Variants in GABRA2 observed in about 807,000 individuals in gnomAD.
GABRA2 encodes gamma-aminobutyric acid receptor subunit alpha-2.
In GABRA2, 16 loss-of-function variants were observed where a neutral mutation model predicts 48.7. That is an observed-to-expected ratio of 0.33 (90% CI 0.22 to 0.50). The LOEUF (loss-of-function observed/expected upper bound fraction) is 0.50, where lower values mean the gene tolerates loss of function less well. Ranked by LOEUF, GABRA2 falls within the 20% of genes least tolerant of loss-of-function variation. GABRA2 has a pLI of 0.98. For synonymous variants in GABRA2, 185 were observed against 184.5 expected (o/e 1.00, Z -0.02); for missense variants, 275 against 535.6 (o/e 0.51, Z 4.80).
chr4:46,364,256 T>A (rs909731001), intron 3 of GABRA2: 9 of 152,236 alleles, frequency 5.9e-5, no homozygotes, highest in Non-Finnish European at 1.5e-5. Context: ...ATGCCTATCT[T>A]ACAGTACTTT....
chr4:46,252,044 G>C (rs947340778), intron 9 of GABRA2, among the ~76,000 whole-genome samples: 1 of 151,390 alleles, frequency 6.6e-6, no homozygotes, highest in African/African-American at 2.4e-5. Context: ...GGACAAATTG[G>C]TCTACAATCA....
chr4:46,388,812 A>G, intron 1 of GABRA2, 96 bp from the exon 2 acceptor site: 2 of 1,569,724 alleles, frequency 1.3e-6, no homozygotes, highest in South Asian at 2.4e-5. Context: ...TTAGTTAGGG[A>G]TTCGTGTTAA....
intron 3 of GABRA2, among the ~76,000 whole-genome samples, chr4:46,359,568 G>C (rs541712938): frequency 6.6e-6 from 1 of 151,988 alleles, no homozygotes; most frequent in Non-Finnish European, 1.5e-5. Context: ...CTATTGTTCA[G>C]TACTCTATAT....
chr4:46,258,835 A>G (rs1378288088), intron 9 of GABRA2, among the ~76,000 whole-genome samples: 1 of 151,886 alleles, frequency 6.6e-6, no homozygotes, highest in Non-Finnish European at 1.5e-5. Context: ...ATCTTAAAGT[A>G]TGGAGGTTAT....
At chr4:46,295,835 T>C (rs750899249) in intron 8 of GABRA2, among the ~76,000 whole-genome samples, 1 of 152,156 alleles carries the variant, frequency 6.6e-6, no homozygotes, top group African/African-American at 2.4e-5. Context: ...CGGATATGGG[T>C]TTGCCTATCC....
At chr4:46,288,353 T>C (rs1722955452) in intron 8 of GABRA2, among the ~76,000 whole-genome samples, 2 of 152,300 alleles carry the variant, frequency 1.3e-5, no homozygotes, top group East Asian at 1.9e-4. Flanking sequence ...TTAAGGAGCT[T>C]TTGAGCTGAG....
intron 3 of GABRA2, chr4:46,364,459 A>G (rs1713722268): frequency 6.6e-6 from 1 of 152,258 alleles, no homozygotes; most frequent in Admixed American, 6.5e-5. Context: ...GAAGTCCAGC[A>G]TGCTATGTCT....
At position 46,246,453 on chromosome 4, in the gene GABRA2, T is replaced by A. The variant is rs1379541750; in HGVS notation, c.*3855A>T. Among the ~76,000 whole-genome samples the A allele has an allele frequency of 1.3e-5, 2 of 151,132 alleles. No individual in the cohort carries two copies. The highest frequency in any genetic ancestry group is 3.9e-4 in the East Asian group (2 of 5,110). On this transcript the variant is annotated 3_prime_UTR_variant, in exon 10 of 10. Transcript: ENST00000381620. The stretch of plus-strand genomic sequence containing the variant: ...TGTCCATGTTTCTCAAGCATGCAGA[T>A]GTCAAAAATAACTGCACCCCTCCCC...
chr4:46,278,952 C>T (rs1257114791), intron 8 of GABRA2, among the ~76,000 whole-genome samples: 2 of 151,598 alleles, frequency 1.3e-5, no homozygotes, highest in Non-Finnish European at 2.9e-5. Context: ...ATATTGATAA[C>T]ATAAGATGAT....
At chr4:46,305,451 G>T (rs1726517954) in intron 7 of GABRA2, 117 bp downstream of exon 7, 5 of 828,564 alleles carry the variant, frequency 6.0e-6, no homozygotes, top group Non-Finnish European at 3.8e-6. Context: ...CACAGCCTAT[G>T]CTGCTAGTTC....
chr4:46,259,257 G>A (rs1716470423), intron 9 of GABRA2, among the ~76,000 whole-genome samples: 1 of 151,720 alleles, frequency 6.6e-6, no homozygotes. Flanking sequence ...AAGAGCCTGG[G>A]GTTGCATAAA....
chr4:46,302,631 G>A (rs755980603), intron 8 of GABRA2: 3 of 152,066 alleles, frequency 2.0e-5, no homozygotes, highest in African/African-American at 4.8e-5. Flanking sequence ...ATGGTAGTGA[G>A]ACTATAAATT....
At chr4:46,257,963 G>A (rs986351600) in intron 9 of GABRA2, among the ~76,000 whole-genome samples, 1 of 151,670 alleles carries the variant, frequency 6.6e-6, no homozygotes, top group Non-Finnish European at 1.5e-5. Flanking sequence ...GCAGTGGAAA[G>A]ATATAAAATC....
intron 4 of GABRA2, among the ~76,000 whole-genome samples, chr4:46,331,098 TA>T (rs1731274545): frequency 6.6e-6 from 1 of 152,142 alleles, no homozygotes; most frequent in South Asian, 2.1e-4. Context: ...AAATATACAA[TA>T]ATGCCAGGGA....
Position 46,311,283 on chromosome 4 carries a change from A to AT in GABRA2, c.477-1029dup, listed in dbSNP as rs536141231. On this transcript the variant is annotated intron_variant, in intron 5 of 9. Transcript: ENST00000381620. ...ACATTTAGTAATGAGTCCTCAAGAA[A>AT]TTTTTTCTTTAAAGATCAGAAATAG... is the stretch of plus-strand genomic sequence containing the variant. Among the ~76,000 whole-genome samples the AT allele has an allele frequency of 7.7e-3, 1,174 of 152,224 alleles. 16 individuals are homozygous for AT. Among genetic ancestry groups the AT allele is most frequent in the African/African-American group, 0.027 (1,105 of 41,542 alleles).
chr4:46,330,774 C>A lies in GABRA2; in HGVS notation c.255+1841G>T, dbSNP rs114986707. On this transcript the variant is annotated intron_variant, in intron 4 of 9. Transcript: ENST00000381620. Reference sequence around the variant, plus strand: ...CTTTCTGTTTTGGCTGATAATAAGACACAAAGTACCATATTTAAGAGTAAT... The same window carrying A: ...CTTTCTGTTTTGGCTGATAATAAGAAACAAAGTACCATATTTAAGAGTAAT... Among the ~76,000 whole-genome samples, 1,397 of 151,824 alleles carry A rather than the reference C, an allele frequency of 9.2e-3. 12 individuals carry two copies. The highest frequency in any genetic ancestry group is 0.014 in the Non-Finnish European group (923 of 67,920).
chr4:46,320,256 A>G (rs1481357775), intron 4 of GABRA2, among the ~76,000 whole-genome samples: 8 of 151,852 alleles, frequency 5.3e-5, no homozygotes, highest in Non-Finnish European at 8.8e-5. Flanking sequence ...ATTAAATTGG[A>G]CATCTATCTT....
intron 4 of GABRA2, among the ~76,000 whole-genome samples, chr4:46,316,049 C>T (rs1384303317): frequency 6.6e-6 from 1 of 151,718 alleles, no homozygotes; most frequent in East Asian, 1.9e-4. Flanking sequence ...CATCTTTTAG[C>T]TACTTTGCTG....
chr4:46,349,172 T>C (rs527441156), intron 3 of GABRA2, among the ~76,000 whole-genome samples: 1 of 152,116 alleles, frequency 6.6e-6, no homozygotes, highest in South Asian at 2.1e-4. Context: ...CATAATTCTA[T>C]ATGCACTGGG....
Sources: gnomAD v4.1 joint callset for allele counts (sites outside exome capture counted in the v4.1 genomes callset) on GRCh38, gnomAD v4.1.1 for gene constraint, MANE v1.5 for transcripts, NCBI Gene and HGNC (gene_info 2026-07-23, HGNC 2026-07-21) for gene names.